Variants in SCRG1 observed in about 807,000 individuals in gnomAD.
SCRG1 encodes stimulator of chondrogenesis 1.
A neutral mutation model predicts 7.7 loss-of-function variants in SCRG1; 3 were observed. The ratio of observed to expected loss-of-function variants is 0.39; its 90% CI spans 0.18 to 1.01. The LOEUF is 1.01. Ranked by LOEUF, SCRG1 falls within the 50% of genes least tolerant of loss-of-function variation. SCRG1 has a pLI of 0.36. For missense variants in SCRG1, 110 were observed against 117.2 expected (o/e 0.94, Z 0.28); for synonymous variants, 46 against 41.2 (o/e 1.12, Z -0.44).
chr4:173,390,708 C>T (rs896092633), intron 2 of SCRG1, among the ~76,000 whole-genome samples: 4 of 152,104 alleles, frequency 2.6e-5, no homozygotes, highest in Non-Finnish European at 4.4e-5. Flanking sequence ...AAGTTGATCT[C>T]GAACTCCTGA....
the SCRG1 span, among the ~76,000 whole-genome samples, chr4:173,496,905 G>C: frequency 6.6e-6 from 1 of 152,136 alleles, no homozygotes; most frequent in Non-Finnish European, 1.5e-5. Flanking sequence ...AGGAGATCGA[G>C]TCCATCCTGG....
the SCRG1 span, among the ~76,000 whole-genome samples, chr4:173,500,358 C>T: frequency 2.0e-5 from 3 of 152,206 alleles, no homozygotes; most frequent in South Asian, 2.1e-4. Context: ...CCCGGGTTCG[C>T]GCCCACCCCT....
chr4:173,391,077 G>T, intron 2 of SCRG1, 96 bp downstream of exon 2: 1 of 1,268,380 alleles, frequency 7.9e-7, no homozygotes, highest in South Asian at 1.3e-5. Context: ...TTTACTAAAA[G>T]GGTTATTAAT....
chr4:173,475,989 A>T, the SCRG1 span, among the ~76,000 whole-genome samples: 2 of 152,230 alleles, frequency 1.3e-5, no homozygotes, highest in Non-Finnish European at 2.9e-5. Context: ...AGATGAAAAA[A>T]TTCTGGAAGC....
the SCRG1 span, among the ~76,000 whole-genome samples, chr4:173,431,712 A>T: frequency 6.6e-6 from 1 of 152,202 alleles, no homozygotes; most frequent in Non-Finnish European, 1.5e-5. Context: ...TGAGTATAAG[A>T]GGCAAAACTT....
chr4:173,465,363 A>C, the SCRG1 span, among the ~76,000 whole-genome samples: 15 of 152,238 alleles, frequency 9.9e-5, no homozygotes, highest in Admixed American at 9.8e-4. Context: ...CATAATGGCC[A>C]AAAAAATGGA....
At chr4:173,394,922 A>G (rs1464955063) in intron 1 of SCRG1, among the ~76,000 whole-genome samples, 1 of 152,180 alleles carries the variant, frequency 6.6e-6, no homozygotes, top group Non-Finnish European at 1.5e-5. Context: ...ATCTTTATCA[A>G]TGAGTTTCAT....
chr4:173,410,516 G>A (rs1366574885), upstream of SCRG1, among the ~76,000 whole-genome samples: 1 of 152,192 alleles, frequency 6.6e-6, no homozygotes, highest in Non-Finnish European at 1.5e-5. Flanking sequence ...ACTGAAACAA[G>A]ACTACTACCT....
upstream of SCRG1, among the ~76,000 whole-genome samples, chr4:173,409,033 A>AAATTAATG (rs1426518236): frequency 6.6e-6 from 1 of 151,930 alleles, no homozygotes; most frequent in Non-Finnish European, 1.5e-5. Context: ...AAGAAAAAGA[A>AAATTAATG]AATTAATGAG....
the SCRG1 span, among the ~76,000 whole-genome samples, chr4:173,517,690 G>C: frequency 6.6e-6 from 1 of 152,216 alleles, no homozygotes; most frequent in African/African-American, 2.4e-5. Flanking sequence ...TGTGGAGGGG[G>C]CTTATTGGAA....
chr4:173,446,461 T>C, the SCRG1 span: 2 of 152,230 alleles, frequency 1.3e-5, no homozygotes, highest in Non-Finnish European at 2.9e-5. Flanking sequence ...AAATTATTAC[T>C]ATTATTAAAT....
At chr4:173,441,130 G>A in the SCRG1 span, among the ~76,000 whole-genome samples, 3 of 152,148 alleles carry the variant, frequency 2.0e-5, no homozygotes, top group African/African-American at 7.2e-5. Flanking sequence ...ATCAAAGGAT[G>A]TTTCCTAGAA....
chr4:173,406,278 A>G (rs1739903748), exon 1 of SCRG1: 1 of 152,218 alleles, frequency 6.6e-6, no homozygotes, highest in Non-Finnish European at 1.5e-5. Context: ...AAACAATTTT[A>G]TCAGCTGGAG....
chr4:173,437,464 A>AGGTTTGTAATAAT, the SCRG1 span, among the ~76,000 whole-genome samples: 3 of 152,334 alleles, frequency 2.0e-5, no homozygotes, highest in East Asian at 5.8e-4. Flanking sequence ...TAAGGGAAGA[A>AGGTTTGTAATAAT]GGTTTGTAAT....
chr4:173,460,151 CT>C, the SCRG1 span, among the ~76,000 whole-genome samples: 2 of 152,146 alleles, frequency 1.3e-5, no homozygotes, highest in African/African-American at 4.8e-5. Context: ...TCATAAGTAC[CT>C]GGTTTTAACT....
At chr4:173,483,919 T>TTATATATATTTCATATAATATATGTTA in the SCRG1 span, among the ~76,000 whole-genome samples, 1 of 63,880 alleles carries the variant, frequency 1.6e-5, no homozygotes, top group Non-Finnish European at 2.7e-5. Context: ...ATAATATATG[T>TTATATATATTTCATATAATATATGTTA]TATATATTTC....
At position 173,391,174 on chromosome 4, in the gene SCRG1, T is replaced by G; in HGVS notation, c.241A>C (p.Lys81Gln). ...CACTTTGTGATACCATTTCCTTACT[T>G]TGGGCAGCAGAGCAATTCGCTGAAG... The part of the protein sequence containing the change: ...CNFSELLCCP[K>Q]DVFFGPKISF... The change falls in exon 2 of 3, where the codon AAA (lysine) becomes CAA (glutamine). Residue 81 changes from lysine (K) to glutamine (Q), a missense_variant and splice_region_variant. By Grantham distance (53) the Lys-to-Gln change is moderately conservative. Transcript: ENST00000296506. 1 of 1,613,972 alleles carries G rather than the reference T, an allele frequency of 6.2e-7. No homozygotes were observed. The highest frequency in any genetic ancestry group is 8.5e-7 in the Non-Finnish European group (1 of 1,179,956).
At chr4:173,390,477 T>G (rs1378664366) in intron 2 of SCRG1, among the ~76,000 whole-genome samples, 1 of 148,828 alleles carries the variant, frequency 6.7e-6, no homozygotes, top group Non-Finnish European at 1.5e-5. Context: ...TGTTCGTTTT[T>G]TTTTTTTTTT....
At chr4:173,440,988 G>A in the SCRG1 span, among the ~76,000 whole-genome samples, 1 of 151,866 alleles carries the variant, frequency 6.6e-6, no homozygotes, top group Non-Finnish European at 1.5e-5. Context: ...ACTTGATTCG[G>A]TCTGAAAGTA....
Sources: allele counts gnomAD v4.1 joint callset (sites outside exome capture counted in the v4.1 genomes callset), GRCh38; gene constraint gnomAD v4.1.1; transcripts MANE v1.5; gene names NCBI Gene and HGNC (gene_info 2026-07-23, HGNC 2026-07-21).